The following KIF6 variants were observed in gnomAD, a reference collection of about 807,000 sequenced individuals.
KIF6 encodes kinesin family member 6.
Under a neutral mutation model 112.7 loss-of-function variants are expected in KIF6, and 106 were observed. That is an observed-to-expected ratio of 0.94 (90% CI 0.80 to 1.11). The LOEUF (loss-of-function observed/expected upper bound fraction) is 1.11, where lower values mean the gene tolerates loss of function less well. KIF6 is among the 50% of genes least tolerant of loss of function. KIF6 has a pLI of 0.00. For missense variants in KIF6, 929 were observed against 964.0 expected, an observed-to-expected ratio of 0.96 and a Z score of 0.48; for synonymous variants, 339 against 339.9, an observed-to-expected ratio of 1.00 and a Z score of 0.03.
intron 13 of KIF6, among the ~76,000 whole-genome samples, chr6:39,481,624 C>T (rs1289265058): frequency 2.0e-5 from 3 of 152,150 alleles, no homozygotes; most frequent in Non-Finnish European, 2.9e-5. Flanking sequence ...GGTCTCTGCA[C>T]CAAATTCAAA....
chr6:39,711,738 A>C (rs2113869625), intron 3 of KIF6, among the ~76,000 whole-genome samples: 2 of 152,340 alleles, frequency 1.3e-5, no homozygotes, highest in East Asian at 1.9e-4. Flanking sequence ...AGTGATAGAC[A>C]AAGAAATAGG....
chr6:39,431,020 C>G, intron 14 of KIF6, 33 bp downstream of exon 14: 2 of 1,404,164 alleles, frequency 1.4e-6, no homozygotes, highest in Non-Finnish European at 2.0e-6. Context: ...GGCTGAGCCT[C>G]GGAGGACCAG....
chr6:39,653,372 A>G (rs570724427), intron 3 of KIF6, among the ~76,000 whole-genome samples: 2 of 152,326 alleles, frequency 1.3e-5, no homozygotes, highest in South Asian at 2.1e-4. Flanking sequence ...TATCATCAAC[A>G]TGTTTACAAT....
At chr6:39,516,209 G>C (rs1777076855) in intron 13 of KIF6, among the ~76,000 whole-genome samples, 1 of 151,962 alleles carries the variant, frequency 6.6e-6, no homozygotes, top group African/African-American at 2.4e-5. Context: ...TACAGAGCAG[G>C]CACTTACATA....
rs150354527 is a variant in KIF6, at chr6:39,688,422, G to A, written c.251+26270C>T. Among the ~76,000 whole-genome samples the A allele has an allele frequency of 8.7e-3, 1,327 of 152,044 alleles. 20 individuals carry two copies. Among genetic ancestry groups the A allele is most frequent in the African/African-American group, 0.03 (1,259 of 41,474 alleles). ...ATCTTACTTTTGCCAAATATATATC[G>A]CTGTAATGAATGTAATTACATCATA... On this transcript the variant is annotated intron_variant, in intron 3 of 22. Coordinates refer to ENST00000287152, the MANE Select transcript of KIF6 (RefSeq NM_145027.6).
At chr6:39,415,601 T>A (rs1769861848) in intron 15 of KIF6, among the ~76,000 whole-genome samples, 1 of 152,236 alleles carries the variant, frequency 6.6e-6, no homozygotes, top group African/African-American at 2.4e-5. Context: ...CGGGTCATCA[T>A]AATCTAGCAA....
intron 5 of KIF6, among the ~76,000 whole-genome samples, chr6:39,629,122 C>T (rs778835486): frequency 6.5e-4 from 99 of 152,066 alleles, no homozygotes; most frequent in Non-Finnish European, 1.3e-3. Context: ...ATGAATAAGA[C>T]TGCTATATGT....
intron 15 of KIF6, among the ~76,000 whole-genome samples, chr6:39,386,466 T>G (rs1197197939): frequency 6.6e-6 from 1 of 152,170 alleles, no homozygotes; most frequent in Non-Finnish European, 1.5e-5. Context: ...CATTGTCATA[T>G]GAATTAGAAA....
chr6:39,644,897 T>C (rs1007589118), intron 3 of KIF6, among the ~76,000 whole-genome samples: 9 of 152,236 alleles, frequency 5.9e-5, no homozygotes, highest in African/African-American at 1.9e-4. Flanking sequence ...CAGATGTGTA[T>C]ACTATCTTTT....
At chr6:39,393,934 G>T (rs1768068375) in intron 15 of KIF6, among the ~76,000 whole-genome samples, 1 of 152,160 alleles carries the variant, frequency 6.6e-6, no homozygotes, top group Non-Finnish European at 1.5e-5. Flanking sequence ...TCAGAGAAAA[G>T]AATGGGGTAT....
At chr6:39,482,939 C>A (rs529230274) in intron 13 of KIF6, among the ~76,000 whole-genome samples, 1 of 152,308 alleles carries the variant, frequency 6.6e-6, no homozygotes, top group African/African-American at 2.4e-5. Context: ...GGTCTTATGA[C>A]CAACCTAGAA....
chr6:39,563,039 G>A (rs922936221), intron 10 of KIF6, among the ~76,000 whole-genome samples: 3 of 152,098 alleles, frequency 2.0e-5, no homozygotes, highest in Admixed American at 6.5e-5. Flanking sequence ...TCAGGAGTTC[G>A]AGACCAGCCT....
At chr6:39,497,146 G>A (rs1287159212) in intron 13 of KIF6, among the ~76,000 whole-genome samples, 6 of 152,320 alleles carry the variant, frequency 3.9e-5, no homozygotes, top group South Asian at 4.1e-4. Context: ...TCGCAATTTC[G>A]GTAAGTTCTT....
intron 3 of KIF6, among the ~76,000 whole-genome samples, chr6:39,701,434 C>T (rs959165334): frequency 4.6e-5 from 7 of 152,220 alleles, no homozygotes; most frequent in African/African-American, 1.4e-4. Flanking sequence ...AATGCTATTG[C>T]GTGGATGCTG....
chr6:39,718,754 G>T (rs61339052), intron 2 of KIF6, among the ~76,000 whole-genome samples: 1 of 147,424 alleles, frequency 6.8e-6, no homozygotes, highest in Non-Finnish European at 1.5e-5. Context: ...AAAAAAAAAA[G>T]AAAGAAAGAA....
chr6:39,444,994 T>G (rs9296298), intron 13 of KIF6, among the ~76,000 whole-genome samples: 71,713 of 151,998 alleles, frequency 0.47, 20,301 homozygotes, highest in African/African-American at 0.8. Context: ...GAGCCCAGGG[T>G]CTGGGTTATG....
chr6:39,670,870 T>C (rs1243518107), intron 3 of KIF6, among the ~76,000 whole-genome samples: 2 of 152,166 alleles, frequency 1.3e-5, no homozygotes, highest in East Asian at 1.9e-4. Flanking sequence ...TATGAGGGCA[T>C]TGTAGATGTC....
At chr6:39,646,863 G>A (rs1051995228) in intron 3 of KIF6, among the ~76,000 whole-genome samples, 1 of 152,120 alleles carries the variant, frequency 6.6e-6, no homozygotes, top group Non-Finnish European at 1.5e-5. Context: ...CTGAGATCCC[G>A]AGTAAGTGAA....
intron 15 of KIF6, among the ~76,000 whole-genome samples, chr6:39,398,469 G>A (rs147164777): frequency 6.6e-6 from 1 of 152,342 alleles, no homozygotes; most frequent in Non-Finnish European, 1.5e-5. Flanking sequence ...AAAATTTCCA[G>A]AATAAGGAGC....
Sources: allele counts gnomAD v4.1 joint callset (sites outside exome capture counted in the v4.1 genomes callset), GRCh38; gene constraint gnomAD v4.1.1; transcripts MANE v1.5; gene names NCBI Gene and HGNC (gene_info 2026-07-23, HGNC 2026-07-21).